Variants in DNAH9 observed in about 807,000 individuals in gnomAD.
The protein encoded by DNAH9 is DNAH9 variant protein.
In DNAH9, 345 loss-of-function variants were observed where a neutral mutation model predicts 471.6. The observed-to-expected ratio is 0.73, with a 90% CI of 0.67 to 0.80. The LOEUF (loss-of-function observed/expected upper bound fraction) is 0.80. DNAH9 is among the 30% of genes least tolerant of loss of function. The probability of loss-of-function intolerance (pLI) is 0.00; values close to 1 mark genes in which losing one functional copy is unlikely to be tolerated. For missense variants in DNAH9, 5,407 were observed against 5,609.2 expected, an observed-to-expected ratio of 0.96 and a Z score of 1.15; for synonymous variants, 2,093 against 2,123.6, an observed-to-expected ratio of 0.99 and a Z score of 0.40.
intron 10 of DNAH9, among the ~76,000 whole-genome samples, chr17:11,641,905 A>G (rs944822177): frequency 2.6e-5 from 4 of 152,114 alleles, no homozygotes; most frequent in Non-Finnish European, 5.9e-5. Flanking sequence ...GAAAGTTGCA[A>G]TGGGGGTCTC....
At chr17:11,926,149 A>G (rs938425814) in intron 62 of DNAH9, among the ~76,000 whole-genome samples, 5 of 151,516 alleles carry the variant, frequency 3.3e-5, no homozygotes, top group Admixed American at 6.6e-5. Context: ...GATATTTTCA[A>G]TGATATCAAT....
chr17:11,897,163 A>G (rs1973249456), intron 59 of DNAH9, among the ~76,000 whole-genome samples: 1 of 152,262 alleles, frequency 6.6e-6, no homozygotes, highest in South Asian at 2.1e-4. Context: ...CTCAATATGC[A>G]GTTGTTATAA....
chr17:11,722,144 C>T (rs894085351), intron 27 of DNAH9, among the ~76,000 whole-genome samples: 2 of 152,096 alleles, frequency 1.3e-5, no homozygotes, highest in African/African-American at 4.8e-5. Context: ...GGGGAGATTT[C>T]GATGTGTCAT....
At position 11,698,889 on chromosome 17, in the gene DNAH9, C is replaced by G. The variant is rs916585554; in HGVS notation, c.4873-842C>G. On this transcript the variant is annotated intron_variant, in intron 22 of 68. Coordinates refer to ENST00000262442, the MANE Select transcript of DNAH9 (RefSeq NM_001372.4). ...CGGCACAGCCAGACTTTATGCTTGCCATGAGCATGCCTGCACTGCTTGGAA... is the reference window on the plus strand; with the variant it reads ...CGGCACAGCCAGACTTTATGCTTGCGATGAGCATGCCTGCACTGCTTGGAA... Among the ~76,000 whole-genome samples the G allele has an allele frequency of 4.6e-5, 7 of 152,072 alleles. 1 individual carries two copies. The highest frequency in any genetic ancestry group is 8.8e-5 in the Non-Finnish European group (6 of 68,024).
At chr17:11,683,763 CA>C (rs1314438820) in intron 19 of DNAH9, among the ~76,000 whole-genome samples, 2 of 152,194 alleles carry the variant, frequency 1.3e-5, no homozygotes, top group African/African-American at 4.8e-5. Context: ...TCCAAATTCA[CA>C]TCTGCTAATT....
chr17:11,765,199 C>T (rs1380123370), intron 36 of DNAH9, among the ~76,000 whole-genome samples: 2 of 152,154 alleles, frequency 1.3e-5, no homozygotes, highest in Admixed American at 6.5e-5. Context: ...CTTAGCACAA[C>T]CCATGGGTGC....
intron 55 of DNAH9, 62 bp from the exon 56 acceptor site, chr17:11,883,524 C>T (rs1972791848): frequency 1.3e-6 from 2 of 1,580,842 alleles, no homozygotes; most frequent in African/African-American, 2.7e-5. Flanking sequence ...TATTCAGACA[C>T]ATCCTTAGAG....
intron 27 of DNAH9, among the ~76,000 whole-genome samples, chr17:11,722,430 C>CG (rs1333813501): frequency 6.6e-6 from 1 of 152,160 alleles, no homozygotes; most frequent in Non-Finnish European, 1.5e-5. Context: ...GAGAGCATCT[C>CG]AGTCATTCAA....
At chr17:11,968,835 T>C (rs1976956440) in intron 68 of DNAH9, among the ~76,000 whole-genome samples, 1 of 152,134 alleles carries the variant, frequency 6.6e-6, no homozygotes, top group African/African-American at 2.4e-5. Context: ...CTCTCCACTC[T>C]AGAGGATGGA....
chr17:11,652,659 A>G, intron 13 of DNAH9, 102 bp from the exon 14 acceptor site: 6 of 1,120,626 alleles, frequency 5.4e-6, no homozygotes, highest in East Asian at 2.4e-5. Context: ...GAAAAGTCTT[A>G]TAACACTCGC....
intron 48 of DNAH9, among the ~76,000 whole-genome samples, chr17:11,826,864 G>A (rs1359396533): frequency 8.1e-6 from 1 of 123,240 alleles, no homozygotes; most frequent in East Asian, 2.6e-4. Context: ...TGGCTGTATC[G>A]CCCAGGCTGG....
intron 53 of DNAH9, among the ~76,000 whole-genome samples, chr17:11,876,775 A>C (rs1490841081): frequency 6.6e-6 from 1 of 152,120 alleles, no homozygotes; most frequent in East Asian, 1.9e-4. Context: ...GCTGGAGTGC[A>C]GTGGTGCGAT....
chr17:11,764,725 G>A (rs758788935), intron 36 of DNAH9, among the ~76,000 whole-genome samples: 22 of 151,876 alleles, frequency 1.4e-4, no homozygotes, highest in Non-Finnish European at 2.6e-4. Flanking sequence ...AAAAAATTGC[G>A]AAGAGGGAAG....
At chr17:11,741,267 T>C (rs1380704487) in intron 29 of DNAH9, among the ~76,000 whole-genome samples, 1 of 152,204 alleles carries the variant, frequency 6.6e-6, no homozygotes, top group Non-Finnish European at 1.5e-5. Flanking sequence ...ATGTAAGTAA[T>C]TTTAAAATCA....
intron 14 of DNAH9, among the ~76,000 whole-genome samples, chr17:11,654,879 CTG>C (rs1452537357): frequency 1.3e-5 from 2 of 152,136 alleles, no homozygotes; most frequent in Non-Finnish European, 1.5e-5. Context: ...AGCTGTCTGA[CTG>C]TAGCTCTGCA....
Position 11,669,515 on chromosome 17 carries a change from T to A in DNAH9, c.3074T>A (p.Leu1025Gln), listed in dbSNP as rs1367034798. 6.2e-7 allele frequency: 1 copy of A among 1,614,218 alleles called. No homozygotes were observed. Among genetic ancestry groups the A allele is most frequent in the Non-Finnish European group, 8.5e-7 (1 of 1,180,048 alleles). ...TATGTGGAGGACCGGAAGGAGGTTC[T>A]GGGTCAGTTTCTGCTGTACGGGCAC... ...YLYVEDRKEV[L>Q]GQFLLYGHIL... The change falls in exon 17 of 69, where the codon CTG becomes CAG. Residue 1025 changes from leucine to glutamine, a missense_variant. Around this residue, in one of 3 missense-constraint regions of DNAH9, gnomAD observed 4,636 missense variants for 4,900.3 expected, o/e 0.95. Transcript: ENST00000262442.
intron 1 of DNAH9, 140 bp downstream of exon 1, chr17:11,599,055 G>A: frequency 1.4e-6 from 1 of 711,548 alleles, no homozygotes; most frequent in East Asian, 3.4e-5. Flanking sequence ...AGGCAGAGGG[G>A]CGAGGCTGTG....
intron 56 of DNAH9, among the ~76,000 whole-genome samples, chr17:11,884,871 G>A (rs1287183033): frequency 6.6e-6 from 1 of 152,070 alleles, no homozygotes; most frequent in Non-Finnish European, 1.5e-5. Flanking sequence ...AAGAGAGTAG[G>A]TCAGAGGATG....
chr17:11,731,479 C>A (rs2075269155), intron 28 of DNAH9, among the ~76,000 whole-genome samples: 1 of 151,434 alleles, frequency 6.6e-6, no homozygotes, highest in Admixed American at 6.6e-5. Flanking sequence ...ATACATGTGC[C>A]ATGTTGGTGT....
Sources: allele counts gnomAD v4.1 joint callset (sites outside exome capture counted in the v4.1 genomes callset), GRCh38; gene constraint gnomAD v4.1.1; regional missense constraint gnomAD v4.1.1; transcripts MANE v1.5; gene names NCBI Gene and HGNC (gene_info 2026-07-23, HGNC 2026-07-21).